Variants in SRGAP1 observed in about 807,000 individuals in gnomAD.
SRGAP1 encodes the protein SLIT-ROBO Rho GTPase-activating protein 1.
Under a neutral mutation model 121.9 loss-of-function variants are expected in SRGAP1, and 43 were observed. The ratio of observed to expected loss-of-function variants is 0.35; its 90% CI spans 0.28 to 0.46. The LOEUF is 0.46. Among genes scored for constraint, SRGAP1 ranks in the 20% least tolerant of loss-of-function variants. The pLI, the probability that SRGAP1 is intolerant of heterozygous loss-of-function variation, is 1.00. For missense variants in SRGAP1, 1,102 were observed against 1,350.9 expected (o/e 0.82, Z 2.89); for synonymous variants, 447 against 485.4 (o/e 0.92, Z 1.04).
At chr12:64,023,717 G>A (rs2034598249) in intron 4 of SRGAP1, among the ~76,000 whole-genome samples, 1 of 152,160 alleles carries the variant, frequency 6.6e-6, no homozygotes, top group South Asian at 2.1e-4. Context: ...AGTTCCATTA[G>A]ATCAAGAGGA....
chr12:64,055,765 G>A (rs1347038086), intron 6 of SRGAP1, among the ~76,000 whole-genome samples: 2 of 152,136 alleles, frequency 1.3e-5, no homozygotes, highest in Non-Finnish European at 2.9e-5. Context: ...CCTGCAGTAT[G>A]GGCTGTTCTT....
chr12:64,095,333 A>C (rs7298523), intron 14 of SRGAP1, 129 bp downstream of exon 14: 1 of 720,474 alleles, frequency 1.4e-6, no homozygotes, highest in African/African-American at 1.8e-5. Context: ...GGGGTGCAGC[A>C]GTAAGAATCC....
At chr12:63,849,986 C>T (rs1272275013) in intron 1 of SRGAP1, among the ~76,000 whole-genome samples, 5 of 152,188 alleles carry the variant, frequency 3.3e-5, no homozygotes, top group Non-Finnish European at 5.9e-5. Context: ...AAACCGTCGT[C>T]TGTGAACAGG....
intron 1 of SRGAP1, among the ~76,000 whole-genome samples, chr12:63,921,741 G>A (rs1490986537): frequency 6.6e-6 from 1 of 152,120 alleles, no homozygotes; most frequent in African/African-American, 2.4e-5. Context: ...GATCATGCCT[G>A]GTACGTAGAG....
intron 21 of SRGAP1, among the ~76,000 whole-genome samples, chr12:64,133,537 A>G (rs1007771375): frequency 1.3e-5 from 2 of 152,164 alleles, no homozygotes; most frequent in African/African-American, 4.8e-5. Context: ...AGTCCCCAAA[A>G]TGTCTGATCA....
At chr12:63,884,483 C>A (rs746211145) in intron 1 of SRGAP1, among the ~76,000 whole-genome samples, 1 of 151,956 alleles carries the variant, frequency 6.6e-6, no homozygotes, top group Non-Finnish European at 1.5e-5. Flanking sequence ...AATGATCTAG[C>A]CAGGGTAGTT....
At chr12:63,868,540 TAG>T (rs960715372) in intron 1 of SRGAP1, among the ~76,000 whole-genome samples, 2 of 152,124 alleles carry the variant, frequency 1.3e-5, no homozygotes, top group African/African-American at 2.4e-5. Context: ...TAATTTTTTG[TAG>T]AGATGGACGG....
chr12:63,887,099 C>G (rs2136292489), intron 1 of SRGAP1, among the ~76,000 whole-genome samples: 1 of 151,808 alleles, frequency 6.6e-6, no homozygotes, highest in Admixed American at 6.6e-5. Flanking sequence ...GTCTTGAACT[C>G]CTGATCTCAG....
intron 14 of SRGAP1, 120 bp downstream of exon 14, chr12:64,095,324 G>C: frequency 1.3e-6 from 1 of 757,598 alleles, no homozygotes; most frequent in East Asian, 2.6e-5. Flanking sequence ...ACTGCATTAG[G>C]GGTGCAGCAG....
chr12:64,024,910 T>C (rs142219181), intron 4 of SRGAP1, among the ~76,000 whole-genome samples: 3 of 152,268 alleles, frequency 2.0e-5, no homozygotes, highest in African/African-American at 4.8e-5. Context: ...TATCTCCACC[T>C]GGTCCCGCTC....
At chr12:64,041,458 C>T (rs2035022491) in intron 4 of SRGAP1, among the ~76,000 whole-genome samples, 1 of 151,836 alleles carries the variant, frequency 6.6e-6, no homozygotes, top group Admixed American at 6.6e-5. Context: ...AATCTCAGCT[C>T]ACTGCCACTT....
At chr12:64,034,810 C>T (rs775258830) in intron 4 of SRGAP1, among the ~76,000 whole-genome samples, 5 of 152,194 alleles carry the variant, frequency 3.3e-5, no homozygotes, top group Middle Eastern at 3.2e-3. Flanking sequence ...CAGTCTGTCT[C>T]ATGAGTCGGA....
At chr12:64,087,800 G>A (rs1423744804) in intron 11 of SRGAP1, among the ~76,000 whole-genome samples, 2 of 152,146 alleles carry the variant, frequency 1.3e-5, no homozygotes, top group Non-Finnish European at 2.9e-5. Flanking sequence ...GATTTTAGCT[G>A]TCTATATATT....
intron 1 of SRGAP1, among the ~76,000 whole-genome samples, chr12:63,961,063 T>C (rs77887834): frequency 0.065 from 9,832 of 152,300 alleles, 413 homozygotes; most frequent in Middle Eastern, 0.13. Context: ...TCATTGATTT[T>C]TTTTCCCCAC....
chr12:64,026,858 T>C (rs2034663498), intron 4 of SRGAP1, among the ~76,000 whole-genome samples: 1 of 143,704 alleles, frequency 7.0e-6, no homozygotes, highest in East Asian at 2.0e-4. Flanking sequence ...AGAGCAAGAC[T>C]CCATCTCAAA....
At chr12:63,922,904 G>T (rs1047772920) in intron 1 of SRGAP1, among the ~76,000 whole-genome samples, 1 of 152,078 alleles carries the variant, frequency 6.6e-6, no homozygotes, top group Admixed American at 6.6e-5. Flanking sequence ...ATTACTGAAA[G>T]GACAAATCCA....
intron 1 of SRGAP1, among the ~76,000 whole-genome samples, chr12:63,948,973 T>TATATATATTCCATATATATATTTTCC (rs2032165024): frequency 4.0e-5 from 5 of 125,330 alleles, no homozygotes; most frequent in African/African-American, 1.7e-4. Flanking sequence ...ATATTTTCCA[T>TATATATATTCCATATATATATTTTCC]ATATATATAT....
chr12:63,943,362 T>C (rs149559170), intron 1 of SRGAP1, among the ~76,000 whole-genome samples: 1 of 152,344 alleles, frequency 6.6e-6, no homozygotes, highest in East Asian at 1.9e-4. Flanking sequence ...AGTTAGTTAA[T>C]AGTAACAATA....
intron 4 of SRGAP1, among the ~76,000 whole-genome samples, chr12:64,019,505 G>C (rs1435853352): frequency 4.6e-5 from 7 of 152,124 alleles, no homozygotes; most frequent in Non-Finnish European, 1.0e-4. Flanking sequence ...TAATCAGAGA[G>C]CATGCTCAGC....
Sources: allele counts gnomAD v4.1 joint callset (sites outside exome capture counted in the v4.1 genomes callset), GRCh38; gene constraint gnomAD v4.1.1; transcripts MANE v1.5; gene names NCBI Gene and HGNC (gene_info 2026-07-23, HGNC 2026-07-21).